The following RPS29 variants were observed in gnomAD, a reference collection of about 807,000 sequenced individuals.
RPS29 encodes ribosomal protein S29.
For synonymous variants in RPS29, 37 were observed against 26.9 expected, an observed-to-expected ratio of 1.37 and a Z score of -1.16; for missense variants, 60 against 75.7, an observed-to-expected ratio of 0.79 and a Z score of 0.77.
At chr14:49,589,272 G>C (rs369560943), upstream of RPS29, among the ~76,000 whole-genome samples, 1 of 150,870 alleles carries the variant, frequency 6.6e-6, no homozygotes, top group East Asian at 1.9e-4. Flanking sequence ...TGGGTTCTTT[G>C]TTTTTTAAAA....
At chr14:49,598,254 T>G in intron 1 of RPS29, 1 of 588,870 alleles carries the variant, frequency 1.7e-6, no homozygotes, top group Non-Finnish European at 3.0e-6. Context: ...GCTTAACATT[T>G]GCTCCCCAGG....
downstream of RPS29, among the ~76,000 whole-genome samples, chr14:49,582,920 C>G (rs114017923): frequency 1.6e-3 from 248 of 152,322 alleles, no homozygotes; most frequent in African/African-American, 5.1e-3. Flanking sequence ...AACTGCTTTT[C>G]CCCACAAATA....
intron 1 of RPS29, among the ~76,000 whole-genome samples, chr14:49,593,083 T>C (rs983658592): frequency 3.9e-5 from 6 of 152,336 alleles, no homozygotes; most frequent in East Asian, 3.9e-4. Context: ...ATTCAGCTTT[T>C]TTCTCCTCCC....
chr14:49,576,793 A>G (rs570617356), exon 3 of RPS29: 1 of 152,318 alleles, frequency 6.6e-6, no homozygotes, highest in East Asian at 1.9e-4. Context: ...TGATGGTTTT[A>G]TAAGGGATAT....
downstream of RPS29, chr14:49,583,489 A>T (rs1231071459): frequency 1.9e-5 from 11 of 591,916 alleles, no homozygotes; most frequent in Non-Finnish European, 3.0e-5. Flanking sequence ...CTGGCGACAG[A>T]GGGGGACTCA....
At chr14:49,597,027 G>A (rs1031097136) in intron 1 of RPS29, among the ~76,000 whole-genome samples, 1 of 149,034 alleles carries the variant, frequency 6.7e-6, no homozygotes, top group African/African-American at 2.5e-5. Context: ...CGATTCTCCT[G>A]CCTCAGCTTC....
intron 1 of RPS29, among the ~76,000 whole-genome samples, chr14:49,595,180 T>G (rs1881796208): frequency 6.6e-6 from 1 of 152,060 alleles, no homozygotes; most frequent in Non-Finnish European, 1.5e-5. Flanking sequence ...TTAGCTGTAT[T>G]GAGTCTTAGA....
At chr14:49,586,262 C>G (rs756876789) in intron 1 of RPS29, 23 bp downstream of exon 1, 4 of 1,612,402 alleles carry the variant, frequency 2.5e-6, no homozygotes, top group African/African-American at 1.3e-5. Context: ...AACGCTTCCC[C>G]AAAATCACAA....
At chr14:49,572,523 AAT>A (rs1491445400) in exon 3 of RPS29, 3 of 152,204 alleles carry the variant, frequency 2.0e-5, no homozygotes, top group Non-Finnish European at 4.4e-5. Context: ...TAGAATAAAT[AAT>A]TTTTTCCGAA....
At chr14:49,585,821 G>T in intron 2 of RPS29, 129 bp downstream of exon 2, 1 of 687,070 alleles carries the variant, frequency 1.5e-6, no homozygotes, top group Non-Finnish European at 2.5e-6. Flanking sequence ...AAAAAAAGAG[G>T]AAAAGCTCTT....
downstream of RPS29, among the ~76,000 whole-genome samples, chr14:49,580,477 G>C (rs1881303131): frequency 6.6e-6 from 1 of 152,170 alleles, no homozygotes; most frequent in Non-Finnish European, 1.5e-5. Flanking sequence ...AGCACAGGTG[G>C]ATTTACTATG....
chr14:49,584,801 T>C (rs904821732), intron 2 of RPS29, among the ~76,000 whole-genome samples: 5 of 151,790 alleles, frequency 3.3e-5, no homozygotes, highest in African/African-American at 1.2e-4. Flanking sequence ...AGAACAGTAC[T>C]ATCCAATACA....
exon 1 of RPS29, chr14:49,598,658 C>T (rs1476524653): frequency 1.4e-6 from 1 of 700,802 alleles, no homozygotes; most frequent in African/African-American, 1.7e-5. Context: ...CGTAAAGCGT[C>T]AACAGCTGAA....
At chr14:49,581,768 C>T (rs1881341591), downstream of RPS29, among the ~76,000 whole-genome samples, 1 of 152,066 alleles carries the variant, frequency 6.6e-6, no homozygotes, top group African/African-American at 2.4e-5. Flanking sequence ...GTGGTGCTCA[C>T]CTGTAATCCC....
At chr14:49,586,432 T>C, upstream of RPS29, 1 of 1,224,146 alleles carries the variant, frequency 8.2e-7, no homozygotes, top group Non-Finnish European at 1.2e-6. Context: ...TTACCCAGAA[T>C]GCAGTGCTCA....
exon 3 of RPS29, chr14:49,572,366 T>C (rs1376232239): frequency 6.6e-6 from 1 of 152,260 alleles, no homozygotes; most frequent in East Asian, 1.9e-4. Flanking sequence ...TCTCTAACCC[T>C]AATTAGTGCA....
chr14:49,581,119 G>A (rs1481875746), downstream of RPS29, among the ~76,000 whole-genome samples: 6 of 151,796 alleles, frequency 4.0e-5, no homozygotes, highest in Non-Finnish European at 7.4e-5. Context: ...CCTGGGAGGC[G>A]GAGGTTGCAG....
downstream of RPS29, among the ~76,000 whole-genome samples, chr14:49,581,529 C>CT (rs1350784482): frequency 6.6e-6 from 1 of 152,186 alleles, no homozygotes; most frequent in African/African-American, 2.4e-5. Context: ...GGGTCTCATT[C>CT]TGTTGCCCAG....
chr14:49,580,241 T>A (rs1160125560), downstream of RPS29, among the ~76,000 whole-genome samples: 1 of 152,116 alleles, frequency 6.6e-6, no homozygotes, highest in African/African-American at 2.4e-5. Context: ...TGTAAGCTTC[T>A]CTCATCATCT....
Sources: gnomAD v4.1 joint callset for allele counts (sites outside exome capture counted in the v4.1 genomes callset) on GRCh38, gnomAD v4.1.1 for gene constraint, MANE v1.5 for transcripts, NCBI Gene and HGNC (gene_info 2026-07-23, HGNC 2026-07-21) for gene names.